The following EPHA4 variants were observed in gnomAD, a reference collection of about 807,000 sequenced individuals.
EPHA4 encodes EPH receptor A4.
Under a neutral mutation model 108.3 loss-of-function variants are expected in EPHA4, and 19 were observed. The observed-to-expected ratio is 0.18, with a 90% CI of 0.12 to 0.26. EPHA4 has a LOEUF of 0.26. Ranked by LOEUF, EPHA4 falls within the 10% of genes least tolerant of loss-of-function variation. The pLI is 1.00. For missense variants in EPHA4, 917 were observed against 1,254.0 expected, an observed-to-expected ratio of 0.73 and a Z score of 4.06; for synonymous variants, 449 against 455.5, an observed-to-expected ratio of 0.99 and a Z score of 0.18.
chr2:221,435,928 AAAC>A (rs1208126385), intron 13 of EPHA4, among the ~76,000 whole-genome samples: 3 of 123,720 alleles, frequency 2.4e-5, no homozygotes, highest in African/African-American at 8.8e-5. Context: ...ACAAAACCTA[AAAC>A]AACAACAAAA....
chr2:221,466,116 AAATCACGGCCAC>A (rs1247717707), intron 5 of EPHA4, among the ~76,000 whole-genome samples: 4 of 152,192 alleles, frequency 2.6e-5, no homozygotes, highest in Admixed American at 6.5e-5. Context: ...CCCACGGACA[AAATCACGGCCAC>A]AATCACGGCC....
rs1172365521 is a variant in EPHA4 at position 221,457,941 on chromosome 2, A to C, written c.1368T>G (p.Ser456Arg). The change falls in exon 6 of 18, where the codon AGT (serine) becomes AGG (arginine). Residue 456 changes from serine to arginine, a missense_variant. Ser to Arg is a moderately radical substitution (Grantham distance 110). Coordinates refer to ENST00000281821, the MANE Select transcript of EPHA4 (RefSeq NM_004438.5). ...LVQAKEVTRY[S>R]VALAWLEPDR... is the part of the protein sequence containing the mutation. ...CTGGTTCCAGCCAAGCCAGTGCCAC[A>C]CTGTATCTTGTGACTTCTTTAGCCT... 1 of 1,613,884 alleles carries C rather than the reference A, an allele frequency of 6.2e-7. No individual in the cohort carries two copies. Among genetic ancestry groups the C allele is most frequent in the Non-Finnish European group, 8.5e-7 (1 of 1,179,796 alleles).
chr2:221,432,133 T>A (rs1043225377), intron 14 of EPHA4, among the ~76,000 whole-genome samples: 26 of 145,682 alleles, frequency 1.8e-4, no homozygotes, highest in Non-Finnish European at 3.4e-4. Context: ...TATTGTTTTT[T>A]TATATATATG....
chr2:221,467,011 C>T (rs1173130379), intron 5 of EPHA4, among the ~76,000 whole-genome samples: 1 of 152,206 alleles, frequency 6.6e-6, no homozygotes, highest in Non-Finnish European at 1.5e-5. Flanking sequence ...TATCTGTGTA[C>T]ATTGTCGGCT....
intron 3 of EPHA4, among the ~76,000 whole-genome samples, chr2:221,543,666 T>C (rs1012359009): frequency 6.6e-6 from 1 of 152,198 alleles, no homozygotes; most frequent in Non-Finnish European, 1.5e-5. Flanking sequence ...TAATAATAAA[T>C]CTGATTATGT....
chr2:221,501,777 C>T (rs1005039410), intron 3 of EPHA4, among the ~76,000 whole-genome samples: 20 of 151,992 alleles, frequency 1.3e-4, no homozygotes, highest in African/African-American at 4.4e-4. Context: ...AGAACCAAAT[C>T]GAAAGATCAA....
intron 5 of EPHA4, among the ~76,000 whole-genome samples, chr2:221,481,547 G>A (rs1026574639): frequency 1.4e-4 from 21 of 152,014 alleles, no homozygotes; most frequent in African/African-American, 4.8e-4. Context: ...CCAGCTACTC[G>A]GGAGGCTGAG....
chr2:221,534,783 T>C (rs1204196939), intron 3 of EPHA4, among the ~76,000 whole-genome samples: 1 of 152,192 alleles, frequency 6.6e-6, no homozygotes, highest in African/African-American at 2.4e-5. Context: ...GTACTTCCAG[T>C]TGCTTTTCCA....
intron 3 of EPHA4, among the ~76,000 whole-genome samples, chr2:221,529,698 T>C (rs1194513449): frequency 6.6e-6 from 1 of 152,224 alleles, no homozygotes; most frequent in Non-Finnish European, 1.5e-5. Flanking sequence ...GCTTGCTCAC[T>C]GTAGTAGCTT....
chr2:221,467,624 A>C (rs1691351498), intron 5 of EPHA4, among the ~76,000 whole-genome samples: 1 of 152,208 alleles, frequency 6.6e-6, no homozygotes, highest in South Asian at 2.1e-4. Context: ...TATTACAGGT[A>C]CAGTCATAGG....
At chr2:221,445,471 T>C (rs1559243842) in intron 9 of EPHA4, among the ~76,000 whole-genome samples, 1 of 151,350 alleles carries the variant, frequency 6.6e-6, no homozygotes, top group Admixed American at 6.6e-5. Flanking sequence ...GTGCCTGTAA[T>C]CCCAGCTACT....
chr2:221,564,006 A>G lies in EPHA4; in HGVS notation c.548T>C (p.Leu183Pro). Residue 183 changes from leucine (L) to proline (P), a missense_variant, in exon 3 of 18, where the codon CTG becomes CCG. Physicochemically the swap from Leu to Pro is moderately conservative, Grantham distance 98. Coordinates refer to ENST00000281821, the MANE Select transcript of EPHA4 (RefSeq NM_004438.5). ...GCAGGCCCCCACATCCTGAAAAGCCAGGTAAAACCCCTTTTTGCTTAATGG... is the reference window on the plus strand; with the variant it reads ...GCAGGCCCCCACATCCTGAAAAGCCGGGTAAAACCCCTTTTTGCTTAATGG... ...VGPLSKKGFYLAFQDVGACIA... is the reference protein window; with the variant it reads ...VGPLSKKGFYPAFQDVGACIA... 1 of 1,613,900 alleles carries G rather than the reference A, an allele frequency of 6.2e-7. No homozygotes were observed. The highest frequency in any genetic ancestry group is 8.5e-7 in the Non-Finnish European group (1 of 1,179,974).
intron 3 of EPHA4, among the ~76,000 whole-genome samples, chr2:221,532,440 C>A (rs1029225181): frequency 7.2e-5 from 11 of 152,244 alleles, no homozygotes; most frequent in African/African-American, 2.6e-4. Flanking sequence ...TCAATTTATT[C>A]TATCAAAAGA....
In EPHA4 at chr2:221,457,984, G is replaced by A; in HGVS notation, c.1325C>T (p.Ser442Leu). ...TTTAGCCTGGACCAAAGCAATGGAT[G>A]ATGGTGCTGTTAGAAAAAAACAAAA... ...VTVTTNQAAP[S>L]SIALVQAKEV... Residue 442 changes from serine to leucine, a missense_variant, in exon 6 of 18, where the codon TCA becomes TTA. This residue lies in a region of EPHA4 where 758 missense variants were observed against 1,076.7 expected (regional missense o/e 0.70). Coordinates refer to ENST00000281821, the MANE Select transcript of EPHA4 (RefSeq NM_004438.5). 1.9e-6 allele frequency: 3 copies of A among 1,609,788 alleles called. No homozygotes were observed. The highest frequency in any genetic ancestry group is 1.7e-6 in the Non-Finnish European group (2 of 1,178,632).
rs188593931 is a variant in EPHA4, at chr2:221,496,636, G to C, written c.979+4381C>G. 8.7e-4 allele frequency among the ~76,000 whole-genome samples: 132 copies of C among 152,270 alleles called. 1 individual carries two copies. Among genetic ancestry groups the C allele is most frequent in the African/African-American group, 3.1e-3 (128 of 41,570 alleles). ...AAGTTTAGTTCTGTTGGCCGGGTGT[G>C]GTGGCTCATGCCTGTAATCCCAGCA... On this transcript the variant is annotated intron_variant, in intron 4 of 17. Transcript: ENST00000281821.
chr2:221,420,692 G>A (rs1475007427), intron 17 of EPHA4, 140 bp from the exon 18 acceptor site: 2 of 152,056 alleles, frequency 1.3e-5, no homozygotes, highest in Non-Finnish European at 2.9e-5. Flanking sequence ...GTGAGATCAC[G>A]AATTATACTT....
intron 17 of EPHA4, among the ~76,000 whole-genome samples, chr2:221,421,256 C>A (rs1429940895): frequency 1.5e-4 from 22 of 151,302 alleles, no homozygotes; most frequent in African/African-American, 4.9e-5. Context: ...GCCGAGACAG[C>A]GCCACTGCTC....
intron 5 of EPHA4, among the ~76,000 whole-genome samples, chr2:221,462,118 AT>A (rs2106122418): frequency 6.6e-6 from 1 of 152,096 alleles, no homozygotes; most frequent in African/African-American, 2.4e-5. Context: ...CTCCAGACAA[AT>A]GCAGGCATTC....
chr2:221,543,488 G>A (rs534964418), intron 3 of EPHA4, among the ~76,000 whole-genome samples: 4 of 152,116 alleles, frequency 2.6e-5, no homozygotes, highest in African/African-American at 7.2e-5. Flanking sequence ...CCTGTATTCC[G>A]CATTTTTATA....
Sources: allele counts gnomAD v4.1 joint callset (sites outside exome capture counted in the v4.1 genomes callset), GRCh38; gene constraint gnomAD v4.1.1; regional missense constraint gnomAD v4.1.1; transcripts MANE v1.5; gene names NCBI Gene and HGNC (gene_info 2026-07-23, HGNC 2026-07-21).